Variants in BTBD9 observed in about 807,000 individuals in gnomAD.
BTBD9 encodes BTB/POZ domain-containing protein 9.
In BTBD9, 49 loss-of-function variants were observed where a neutral mutation model predicts 64.3. That is an observed-to-expected ratio of 0.76 (90% CI 0.61 to 0.97). The LOEUF (loss-of-function observed/expected upper bound fraction) is 0.97. Among genes scored for constraint, BTBD9 ranks in the 50% least tolerant of loss-of-function variants. BTBD9 has a pLI of 0.00. For missense variants in BTBD9, 598 were observed against 762.1 expected, an observed-to-expected ratio of 0.78 and a Z score of 2.53; for synonymous variants, 260 against 274.7, an observed-to-expected ratio of 0.95 and a Z score of 0.53.
chr6:38,188,553 C>T (rs767830511), intron 10 of BTBD9, among the ~76,000 whole-genome samples: 4 of 152,214 alleles, frequency 2.6e-5, no homozygotes, highest in Non-Finnish European at 4.4e-5. Flanking sequence ...CCAAATCCAT[C>T]GATAGTTTTT....
chr6:38,233,519 G>A (rs970511644), intron 9 of BTBD9, among the ~76,000 whole-genome samples: 3 of 152,160 alleles, frequency 2.0e-5, no homozygotes, highest in Admixed American at 2.0e-4. Flanking sequence ...CAGCACACAA[G>A]GCTGGGCAGA....
chr6:38,595,423 C>T (rs1490792561), intron 2 of BTBD9, among the ~76,000 whole-genome samples: 1 of 151,970 alleles, frequency 6.6e-6, no homozygotes, highest in Middle Eastern at 3.2e-3. Flanking sequence ...CTAGACAATC[C>T]AGTTAGGTAA....
intron 9 of BTBD9, among the ~76,000 whole-genome samples, chr6:38,246,253 A>G (rs1265188886): frequency 6.6e-6 from 1 of 152,248 alleles, no homozygotes; most frequent in African/African-American, 2.4e-5. Flanking sequence ...TTAAATGTGC[A>G]GGTATGACTG....
At chr6:38,386,408 T>G (rs1766171161) in intron 6 of BTBD9, among the ~76,000 whole-genome samples, 2 of 152,102 alleles carry the variant, frequency 1.3e-5, no homozygotes, top group African/African-American at 4.8e-5. Flanking sequence ...AAATGTGAGA[T>G]GCTCCAAAAT....
chr6:38,612,153 A>G (rs1777635492), intron 1 of BTBD9, among the ~76,000 whole-genome samples: 1 of 152,042 alleles, frequency 6.6e-6, no homozygotes. Context: ...GAAGGGTAGG[A>G]CTCTGTTCTT....
intron 9 of BTBD9, among the ~76,000 whole-genome samples, chr6:38,205,822 T>TGCAGTGAGCCA (rs1762621762): frequency 7.5e-6 from 1 of 133,012 alleles, no homozygotes; most frequent in South Asian, 2.5e-4. Context: ...AGGCGGAGGT[T>TGCAGTGAGCCA]GCAGTGAGCC....
At chr6:38,599,735 T>C (rs1342163998) in intron 1 of BTBD9, among the ~76,000 whole-genome samples, 1 of 152,226 alleles carries the variant, frequency 6.6e-6, no homozygotes, top group Non-Finnish European at 1.5e-5. Context: ...AAAATAGTCT[T>C]TCTCTTCTGT....
intron 6 of BTBD9, among the ~76,000 whole-genome samples, chr6:38,574,541 G>A (rs1214674902): frequency 6.6e-6 from 1 of 152,092 alleles, no homozygotes; most frequent in African/African-American, 2.4e-5. Flanking sequence ...CTCTCTGAAG[G>A]TCAACCACCA....
At chr6:38,383,705 G>A (rs1428335820) in intron 6 of BTBD9, among the ~76,000 whole-genome samples, 1 of 152,170 alleles carries the variant, frequency 6.6e-6, no homozygotes, top group Non-Finnish European at 1.5e-5. Context: ...TACAAGGATC[G>A]AACCTTATAA....
At chr6:38,257,355 G>A (rs546568132) in intron 8 of BTBD9, among the ~76,000 whole-genome samples, 154 of 151,410 alleles carry the variant, frequency 1.0e-3, no homozygotes, top group African/African-American at 3.1e-3. Context: ...GCACCACCAT[G>A]CCTGGCTATT....
intron 6 of BTBD9, among the ~76,000 whole-genome samples, chr6:38,427,441 T>G (rs1768222371): frequency 6.6e-6 from 1 of 151,888 alleles, no homozygotes; most frequent in Non-Finnish European, 1.5e-5. Flanking sequence ...CCCAAATGAT[T>G]CCAGTGCACA....
At chr6:38,313,747 C>CTTT (rs765375990) in intron 7 of BTBD9, among the ~76,000 whole-genome samples, 10 of 128,896 alleles carry the variant, frequency 7.8e-5, no homozygotes, top group Non-Finnish European at 1.0e-4. Flanking sequence ...GATGAATTAT[C>CTTT]TTTTTTTTTT....
intron 6 of BTBD9, among the ~76,000 whole-genome samples, chr6:38,508,714 CT>C (rs1772645976): frequency 6.6e-6 from 1 of 152,200 alleles, no homozygotes; most frequent in African/African-American, 2.4e-5. Flanking sequence ...CCAGTCTCCC[CT>C]CTCACTGCTG....
rs148833132 is a variant in BTBD9 at position 38,252,356 on chromosome 6, T to C, written c.1562+4053A>G. Among the ~76,000 whole-genome samples, 246 of 152,336 alleles carry C rather than the reference T, an allele frequency of 1.6e-3. 1 individual carries two copies. Among genetic ancestry groups the C allele is most frequent in the African/African-American group, 5.3e-3 (222 of 41,580 alleles). ...CTCTCTTGAGGTCTGCACTGTAGCA[T>C]ATTAGTTAAAAAGAAAAACCTTTTG... is the stretch of plus-strand genomic sequence containing the variant. On this transcript the variant is annotated intron_variant, in intron 9 of 10. Transcript: ENST00000481247.
chr6:38,181,261 G>A (rs1561839621), intron 10 of BTBD9, among the ~76,000 whole-genome samples: 1 of 152,228 alleles, frequency 6.6e-6, no homozygotes, highest in African/African-American at 2.4e-5. Flanking sequence ...GGTTCCTCCT[G>A]AATAATTTCC....
At chr6:38,631,324 G>A (rs1383279584) in intron 1 of BTBD9, among the ~76,000 whole-genome samples, 1 of 152,120 alleles carries the variant, frequency 6.6e-6, no homozygotes, top group Non-Finnish European at 1.5e-5. Flanking sequence ...TGAAGAAATG[G>A]CTTCACGGGA....
chr6:38,504,448 GA>G (rs1266259563), intron 6 of BTBD9: 1 of 406,752 alleles, frequency 2.5e-6, no homozygotes. Flanking sequence ...CTTTCCCTAT[GA>G]AAGTCCAATC....
In BTBD9 at chr6:38,233,304, T is replaced by C. The variant is rs73412503; in HGVS notation, c.1562+23105A>G. Among the ~76,000 whole-genome samples, 1,470 of 152,326 alleles carry C rather than the reference T, an allele frequency of 9.7e-3. 19 individuals are homozygous for C. Among genetic ancestry groups the C allele is most frequent in the African/African-American group, 0.032 (1,350 of 41,568 alleles). ...AAACCATTTTTAAGCTCCTACTACA[T>C]GTCAGGCTCTGTGCCAAGTTGTGGT... On this transcript the variant is annotated intron_variant, in intron 9 of 10. Coordinates refer to ENST00000481247, the MANE Select transcript of BTBD9 (RefSeq NM_001099272.2).
intron 9 of BTBD9, among the ~76,000 whole-genome samples, chr6:38,193,061 T>TAA (rs34503862): frequency 1.9e-4 from 28 of 149,230 alleles, no homozygotes; most frequent in Non-Finnish European, 3.4e-4. Flanking sequence ...ATAATAATAA[T>TAA]AAAAAAAAAA....
Sources: gnomAD v4.1 joint callset for allele counts (sites outside exome capture counted in the v4.1 genomes callset) on GRCh38, gnomAD v4.1.1 for gene constraint, MANE v1.5 for transcripts, NCBI Gene and HGNC (gene_info 2026-07-23, HGNC 2026-07-21) for gene names.